Variants in DMD observed in about 807,000 individuals in gnomAD.
The protein encoded by DMD is mutant dystrophin.
Under a neutral mutation model 330.1 loss-of-function variants are expected in DMD, and 63 were observed. The observed-to-expected ratio is 0.19, with a 90% CI of 0.16 to 0.24. The LOEUF is 0.24. Ranked by LOEUF, DMD falls within the 10% of genes least tolerant of loss-of-function variation. The pLI is 1.00. For missense variants in DMD, 3,344 were observed against 2,684.1 expected (o/e 1.25, Z -5.43); for synonymous variants, 1,223 against 959.8 (o/e 1.27, Z -5.07).
At chrX:31,592,664 T>G (rs2076933803) in intron 55 of DMD, among the ~76,000 whole-genome samples, 1 of 109,946 alleles carries the variant, frequency 9.1e-6, no homozygotes, top group African/African-American at 3.3e-5. Context: ...CTACAATTAT[T>G]TAATTATACT....
At chrX:32,375,706 A>G (rs1240804668) in intron 34 of DMD, among the ~76,000 whole-genome samples, 1 of 111,565 alleles carries the variant, frequency 9.0e-6, no homozygotes, top group African/African-American at 3.2e-5. Context: ...ATTAATTCCC[A>G]AACATCTTTC....
chrX:32,009,171 T>C (rs1237873004), intron 44 of DMD, among the ~76,000 whole-genome samples: 1 of 111,422 alleles, frequency 9.0e-6, no homozygotes, highest in African/African-American at 3.3e-5. Context: ...ATCCACAAGA[T>C]TGCACATGAC....
At chrX:32,894,214 C>T (rs2085482098) in intron 2 of DMD, among the ~76,000 whole-genome samples, 1 of 112,017 alleles carries the variant, frequency 8.9e-6, no homozygotes, top group South Asian at 3.7e-4. Context: ...CGCGTTTGTT[C>T]ACATCATGAT....
chrX:32,251,961 G>A (rs762094281), intron 43 of DMD, among the ~76,000 whole-genome samples: 1 of 111,333 alleles, frequency 9.0e-6, no homozygotes, highest in Non-Finnish European at 1.9e-5. Flanking sequence ...TCATGTCACT[G>A]CACTCCAGCC....
chrX:32,315,612 G>T (rs2097580304), intron 41 of DMD, among the ~76,000 whole-genome samples: 1 of 111,029 alleles, frequency 9.0e-6, no homozygotes, highest in Admixed American at 9.6e-5. Flanking sequence ...AGAATTCTGT[G>T]TCTCAGCAAA....
At chrX:32,894,357 G>A (rs1449242332) in intron 2 of DMD, among the ~76,000 whole-genome samples, 1 of 112,057 alleles carries the variant, frequency 8.9e-6, no homozygotes, top group Non-Finnish European at 1.9e-5. Context: ...ATTCAGTAGT[G>A]GTGGGCTGGA....
intron 44 of DMD, among the ~76,000 whole-genome samples, chrX:32,166,218 G>A (rs1471718581): frequency 2.7e-5 from 3 of 111,101 alleles, no homozygotes; most frequent in Non-Finnish European, 5.7e-5. Flanking sequence ...ACCTTAGGAG[G>A]TAGATGTGGG....
intron 2 of DMD, among the ~76,000 whole-genome samples, chrX:33,012,658 A>C (rs765513750): frequency 8.1e-5 from 9 of 111,589 alleles, no homozygotes; most frequent in African/African-American, 2.9e-4. Context: ...TCTGTTTTTC[A>C]CTTTCAGTAC....
Position 32,525,960 on chromosome X carries a change from A to G in DMD, c.2169-7829T>C, listed in dbSNP as rs192083443. On this transcript the variant is annotated intron_variant, in intron 17 of 78. Coordinates refer to ENST00000357033, the MANE Select transcript of DMD (RefSeq NM_004006.3). ...TTCTTCATAAAATTACTCGTTTCTA[A>G]TAATTCTTTTTTCCCCACTTTAACA... Among the ~76,000 whole-genome samples the G allele has an allele frequency of 1.9e-4, 21 of 111,947 alleles. No homozygotes were observed. The East Asian group carries it at 5.3e-3, about 28-fold the overall frequency.
chrX:31,733,691 A>T (rs1460887991), intron 51 of DMD, among the ~76,000 whole-genome samples: 1 of 111,820 alleles, frequency 8.9e-6, no homozygotes, highest in Non-Finnish European at 1.9e-5. Flanking sequence ...AGTTACCGAA[A>T]GGGTTTTACT....
At chrX:32,783,216 ATATACGTG>A (rs1335911507) in intron 7 of DMD, among the ~76,000 whole-genome samples, 11 of 99,263 alleles carry the variant, frequency 1.1e-4, no homozygotes, top group South Asian at 8.8e-4. Context: ...ACATATGTGT[ATATACGTG>A]TATACGTATA....
intron 43 of DMD, among the ~76,000 whole-genome samples, chrX:32,231,558 C>A (rs1458398842): frequency 1.8e-5 from 2 of 111,732 alleles, no homozygotes; most frequent in Non-Finnish European, 3.8e-5. Context: ...TGGCATGAGA[C>A]CACACTTACA....
intron 45 of DMD, among the ~76,000 whole-genome samples, chrX:31,944,800 G>A (rs756090370): frequency 4.5e-5 from 5 of 110,080 alleles, no homozygotes; most frequent in South Asian, 3.9e-4. Flanking sequence ...GAGGCACCGC[G>A]CCTGGCCAAG....
rs775196035 is a variant in DMD, at chrX:31,992,242, T to C, written c.6439-23728A>G. Among the ~76,000 whole-genome samples, 8 of 111,728 alleles carry C rather than the reference T, an allele frequency of 7.2e-5. No individual in the cohort carries two copies. In the South Asian group the frequency reaches 2.6e-3, roughly 36 times the overall value. On this transcript the variant is annotated intron_variant, in intron 44 of 78. Coordinates refer to ENST00000357033, the MANE Select transcript of DMD (RefSeq NM_004006.3). ...GGATTTATGTTGGAATGACTTACGG[T>C]TTTGTGTAGCTAGTTTTTCTTAAAG...
intron 67 of DMD, among the ~76,000 whole-genome samples, chrX:31,198,727 T>C (rs780017645): frequency 2.4e-4 from 27 of 112,144 alleles, no homozygotes; most frequent in Non-Finnish European, 3.9e-4. Context: ...ACGTTGATCT[T>C]ATGGGACCAC....
chrX:33,212,219 A>G (rs187374031), upstream of DMD, among the ~76,000 whole-genome samples: 1 of 112,336 alleles, frequency 8.9e-6, no homozygotes, highest in Non-Finnish European at 1.9e-5. Context: ...TTATGCTAAA[A>G]CTTCTTTACT....
chrX:31,693,543 T>C (rs1438322058), intron 52 of DMD, among the ~76,000 whole-genome samples: 1 of 112,004 alleles, frequency 8.9e-6, no homozygotes, highest in African/African-American at 3.2e-5. Context: ...CACTGAAAAC[T>C]GTTAGAATTC....
chrX:32,723,971 C>A (rs1009054413), intron 7 of DMD, among the ~76,000 whole-genome samples: 2 of 111,177 alleles, frequency 1.8e-5, no homozygotes, highest in Non-Finnish European at 3.8e-5. Context: ...CCACATGTAG[C>A]CCATGGGCTG....
intron 51 of DMD, among the ~76,000 whole-genome samples, chrX:31,769,342 A>G (rs2090194175): frequency 8.9e-6 from 1 of 112,367 alleles, no homozygotes; most frequent in African/African-American, 3.2e-5. Context: ...TCCTTATCAC[A>G]TTGCATTCAC....
Sources: allele counts gnomAD v4.1 joint callset (sites outside exome capture counted in the v4.1 genomes callset), GRCh38; gene constraint gnomAD v4.1.1; transcripts MANE v1.5; gene names NCBI Gene and HGNC (gene_info 2026-07-23, HGNC 2026-07-21).